ABHD16A: variants seen among roughly 807,000 people sequenced by gnomAD.
ABHD16A encodes the protein phosphatidylserine lipase ABHD16A.
A neutral mutation model predicts 89.8 loss-of-function variants in ABHD16A; 47 were observed. The observed-to-expected ratio is 0.52, with a 90% CI of 0.41 to 0.67. ABHD16A has a LOEUF of 0.67. Among genes scored for constraint, ABHD16A ranks in the 30% least tolerant of loss-of-function variants. The pLI, the probability that ABHD16A is intolerant of heterozygous loss-of-function variation, is 0.00. For missense variants in ABHD16A, 580 were observed against 734.6 expected, an observed-to-expected ratio of 0.79 and a Z score of 2.43; for synonymous variants, 251 against 280.4, an observed-to-expected ratio of 0.90 and a Z score of 1.05.
intron 5 of ABHD16A, among the ~76,000 whole-genome samples, chr6:31,694,020 C>T (rs999419030): frequency 6.6e-6 from 1 of 151,934 alleles, no homozygotes; most frequent in Non-Finnish European, 1.5e-5. Context: ...ACAGCCCATC[C>T]GAACCTCGGG....
Position 31,688,911 on chromosome 6 carries a change from T to C in ABHD16A, c.1186+104A>G, listed in dbSNP as rs1803569572. On this transcript the variant is annotated intron_variant, in intron 13 of 19. Coordinates refer to ENST00000395952, the MANE Select transcript of ABHD16A (RefSeq NM_021160.3). The surrounding 1 kb of genome is among the most constrained non-coding windows in gnomAD (Gnocchi z 4.9). ...AAAGGAGTCCTCCTGCTTCCAACAA[T>C]GGGGCGACTTACTCCCCACCCAAGA... 3 of 1,412,128 alleles carry C rather than the reference T, an allele frequency of 2.1e-6. No homozygotes were observed. The highest frequency in any genetic ancestry group is 2.0e-6 in the Non-Finnish European group (2 of 1,024,918). 87.5% of individuals were successfully genotyped at this position (1,412,128 alleles called of 1,614,324 possible).
intron 4 of ABHD16A, among the ~76,000 whole-genome samples, chr6:31,697,675 G>A (rs805273): frequency 0.14 from 21,375 of 152,070 alleles, 2,554 homozygotes; most frequent in African/African-American, 0.32. Context: ...TTTCCTTTCT[G>A]AAGCAGAAGC....
At position 31,690,751 on chromosome 6, in the gene ABHD16A, T is replaced by G. The variant is rs1803797496; in HGVS notation, c.844-149A>C. On this transcript the variant is annotated intron_variant, in intron 9 of 19. Transcript: ENST00000395952. The surrounding 1 kb of genome is among the most constrained non-coding windows in gnomAD (Gnocchi z 4.1). Reference sequence around the variant, plus strand: ...TCCAAGGGGAATGGAAGCTTCTCATTCCACAGGGTCCATAAGAGGAGAAGC... The same window carrying G: ...TCCAAGGGGAATGGAAGCTTCTCATGCCACAGGGTCCATAAGAGGAGAAGC... The G allele has an allele frequency of 2.3e-5, 16 of 695,944 alleles. No homozygotes were observed. The highest frequency in any genetic ancestry group is 4.0e-5 in the Non-Finnish European group (16 of 398,946). 43.1% of individuals were successfully genotyped at this position (695,944 alleles called of 1,614,324 possible).
In ABHD16A at chr6:31,689,138, A is replaced by G. The variant is rs1803599313; in HGVS notation, c.1082-19T>C. Reference sequence around the variant, plus strand: ...CACGTGGCTGGTACCAGGGCAGGGAAGAAGAGTAAGAACTGAGAAAGGCTC... The same window carrying G: ...CACGTGGCTGGTACCAGGGCAGGGAGGAAGAGTAAGAACTGAGAAAGGCTC... On this transcript the variant is annotated intron_variant, in intron 12 of 19. Coordinates refer to ENST00000395952, the MANE Select transcript of ABHD16A (RefSeq NM_021160.3). The G allele has an allele frequency of 6.2e-7, 1 of 1,605,470 alleles. No homozygotes were observed. The highest frequency in any genetic ancestry group is 1.1e-5 in the South Asian group (1 of 90,206).
chr6:31,692,920 C>G, intron 7 of ABHD16A, 107 bp downstream of exon 7: 1 of 1,472,342 alleles, frequency 6.8e-7, no homozygotes, highest in Non-Finnish European at 9.5e-7. Context: ...CCATACAGCA[C>G]TAGGCCCAAT....
At chr6:31,689,166 T>G in intron 12 of ABHD16A, 47 bp from the exon 13 acceptor site, 2 of 1,536,654 alleles carry the variant, frequency 1.3e-6, no homozygotes, top group Non-Finnish European at 1.8e-6. Context: ...AAAGGCTCCT[T>G]TCTCCCCACC....
At chr6:31,694,057 C>CTTTT (rs35205600) in intron 5 of ABHD16A, among the ~76,000 whole-genome samples, 3 of 142,788 alleles carry the variant, frequency 2.1e-5, no homozygotes, top group Admixed American at 7.0e-5. Flanking sequence ...GTCCACATGC[C>CTTTT]TTTTTTTTTT....
chr6:31,701,347 CAG>C lies in ABHD16A; in HGVS notation c.190-9_190-8del, dbSNP rs1417930193. The C allele has an allele frequency of 2.5e-6, 4 of 1,603,572 alleles. No individual in the cohort carries two copies. Among genetic ancestry groups the C allele is most frequent in the Non-Finnish European group, 3.4e-6 (4 of 1,176,242 alleles). On this transcript the variant is annotated splice_polypyrimidine_tract_variant and splice_region_variant and intron_variant, in intron 2 of 19. Transcript: ENST00000395952. ...TGGACCAGAATACTGAAGCCTGCAG[CAG>C]AGAGACAGGGACAGGCAATCAATAC...
Position 31,687,003 on chromosome 6 carries a change from C to T in ABHD16A, c.*209G>A. 3.5e-6 allele frequency: 2 copies of T among 577,622 alleles called. No individual in the cohort carries two copies. The highest frequency in any genetic ancestry group is 6.2e-6 in the Non-Finnish European group (2 of 323,054). 35.8% of individuals were successfully genotyped at this position (577,622 alleles called of 1,614,324 possible). A position where few individuals can be genotyped will look rare whatever the true frequency, so the allele number is the denominator to read the frequency against. On this transcript the variant is annotated 3_prime_UTR_variant, in exon 20 of 20. Transcript: ENST00000395952. The surrounding 1 kb of genome is among the most constrained non-coding windows in gnomAD (Gnocchi z 6.3). Reference sequence around the variant, plus strand: ...TATTAATTATTAGGAATAATCCATTCATGTAATGCAGGATGTATGTTGGAG... The same window carrying T: ...TATTAATTATTAGGAATAATCCATTTATGTAATGCAGGATGTATGTTGGAG...
In ABHD16A at chr6:31,687,584, G is replaced by A. The variant is rs763124323; in HGVS notation, c.1547-40C>T. 1.2e-5 allele frequency: 20 copies of A among 1,612,924 alleles called. No homozygotes were observed. Among genetic ancestry groups the A allele is most frequent in the Non-Finnish European group, 1.7e-5 (20 of 1,179,976 alleles). On this transcript the variant is annotated intron_variant, in intron 18 of 19. Transcript: ENST00000395952. This position sits in a 1 kb window ranked among gnomAD's most constrained non-coding sequence, Gnocchi z 6.3. Reference sequence around the variant, plus strand: ...CGCTCAAAATAGGCCACACATCTGGGTATTCATCCCCTTCCTAGGCCCTTC... The same window carrying A: ...CGCTCAAAATAGGCCACACATCTGGATATTCATCCCCTTCCTAGGCCCTTC...
At chr6:31,702,846 C>A in intron 1 of ABHD16A, 7 of 1,379,550 alleles carry the variant, frequency 5.1e-6, no homozygotes, top group Non-Finnish European at 6.6e-6. Context: ...AGGGTCTCTT[C>A]CCGGGACTCA....
At chr6:31,691,995 C>T in intron 7 of ABHD16A, 77 bp from the exon 8 acceptor site, 7 of 1,139,814 alleles carry the variant, frequency 6.1e-6, no homozygotes, top group Non-Finnish European at 8.6e-6. Flanking sequence ...CCAGCCCTAG[C>T]ACTCACAGAC....
Position 31,687,940 on chromosome 6 carries a change from T to C in ABHD16A, c.1371-40A>G. Reference sequence around the variant, plus strand: ...CCAGGACAGGTCAGGGCTGATTTTTTTTCATTCACCATCCCTGAACCTTCC... The same window carrying C: ...CCAGGACAGGTCAGGGCTGATTTTTCTTCATTCACCATCCCTGAACCTTCC... On this transcript the variant is annotated intron_variant, in intron 16 of 19. Transcript: ENST00000395952. This position sits in a 1 kb window ranked among gnomAD's most constrained non-coding sequence, Gnocchi z 6.3. 6.2e-7 allele frequency: 1 copy of C among 1,612,590 alleles called. No individual in the cohort carries two copies. Among genetic ancestry groups the C allele is most frequent in the Non-Finnish European group, 8.5e-7 (1 of 1,179,928 alleles).
At chr6:31,696,163 CAAAAAAA>C (rs59018866) in intron 5 of ABHD16A, among the ~76,000 whole-genome samples, 296 of 69,724 alleles carry the variant, frequency 4.2e-3, no homozygotes, top group Middle Eastern at 9.4e-3. Flanking sequence ...GACTCCGTCT[CAAAAAAA>C]AAAAAAAAAA....
Position 31,693,177 on chromosome 6 carries a change from A to T in ABHD16A, c.504-28T>A. 1 of 1,607,936 alleles carries T rather than the reference A, an allele frequency of 6.2e-7. No homozygotes were observed. The highest frequency in any genetic ancestry group is 2.2e-5 in the East Asian group (1 of 44,810). On this transcript the variant is annotated intron_variant, in intron 6 of 19. Coordinates refer to ENST00000395952, the MANE Select transcript of ABHD16A (RefSeq NM_021160.3). The surrounding 1 kb of genome is among the most constrained non-coding windows in gnomAD (Gnocchi z 5.0). ...GAGGAAGGGAAAGATGCAGGGAAGGATAGGGTCAGGAGCAGCAAGCTGGAT... is the reference window on the plus strand; with the variant it reads ...GAGGAAGGGAAAGATGCAGGGAAGGTTAGGGTCAGGAGCAGCAAGCTGGAT...
chr6:31,702,905 C>A, intron 1 of ABHD16A: 2 of 1,293,536 alleles, frequency 1.5e-6, no homozygotes. Context: ...GTCGGGGGGA[C>A]GCGGAGAGGA....
chr6:31,693,456 G>A lies in ABHD16A; in HGVS notation c.430-24C>T. Reference sequence around the variant, plus strand: ...CTCTGCAGTGGGCACGAGAGGCAAAGGGGTACTGAGAACTCAGGGGAGGCT... The same window carrying A: ...CTCTGCAGTGGGCACGAGAGGCAAAAGGGTACTGAGAACTCAGGGGAGGCT... On this transcript the variant is annotated intron_variant, in intron 5 of 19. Transcript: ENST00000395952. The surrounding 1 kb of genome is among the most constrained non-coding windows in gnomAD (Gnocchi z 5.0). The A allele has an allele frequency of 6.2e-7, 1 of 1,611,662 alleles. No homozygotes were observed. The highest frequency in any genetic ancestry group is 2.2e-5 in the East Asian group (1 of 44,858).
Position 31,701,025 on chromosome 6 carries a change from T to G in ABHD16A, c.260A>C (p.Tyr87Ser). 6.2e-7 allele frequency: 1 copy of G among 1,612,860 alleles called. No homozygotes were observed. The highest frequency in any genetic ancestry group is 1.1e-5 in the South Asian group (1 of 91,028). ...CGGCACCACTTTGGACAAACTCAAG[T>G]AACCTGGGAAGGGAGAGGGACAATG... ...FAFFYLYRKG[Y>S]LSLSKVVPFS... is the part of the protein sequence containing the mutation. The change falls in exon 4 of 20, where the codon TAC (tyrosine) becomes TCC (serine). Residue 87 changes from tyrosine (Y) to serine (S), a missense_variant. Around this residue, in one of 2 missense-constraint regions of ABHD16A, gnomAD observed 165 missense variants for 165.8 expected, o/e 1.00. Transcript: ENST00000395952.
At chr6:31,692,970 G>A (rs1804040319) in intron 7 of ABHD16A, 57 bp downstream of exon 7, 2 of 1,613,486 alleles carry the variant, frequency 1.2e-6, no homozygotes, top group Non-Finnish European at 1.7e-6. Context: ...CACTCCCAGA[G>A]CACTCCTGAA....
Sources: gnomAD v4.1 joint callset for allele counts (sites outside exome capture counted in the v4.1 genomes callset) on GRCh38, gnomAD v4.1.1 for gene constraint, gnomAD v4.1.1 regional missense constraint, Gnocchi (gnomAD v3.1) non-coding constraint, MANE v1.5 for transcripts, NCBI Gene and HGNC (gene_info 2026-07-23, HGNC 2026-07-21) for gene names.